Variants in STAMBPL1 observed in about 807,000 individuals in gnomAD.
STAMBPL1 encodes the protein STAM binding protein like 1, also known as AMSH-like protease.
In STAMBPL1, 44 loss-of-function variants were observed where a neutral mutation model predicts 52.9. That is an observed-to-expected ratio of 0.83 (90% CI 0.65 to 1.07). The LOEUF is 1.07. Among genes scored for constraint, STAMBPL1 ranks in the 50% least tolerant of loss-of-function variants. The pLI is 0.00. For synonymous variants in STAMBPL1, 164 were observed against 177.3 expected, an observed-to-expected ratio of 0.92 and a Z score of 0.60; for missense variants, 511 against 520.8, an observed-to-expected ratio of 0.98 and a Z score of 0.18.
At chr10:88,905,212 T>C (rs1290040313) in intron 2 of STAMBPL1, among the ~76,000 whole-genome samples, 2 of 152,184 alleles carry the variant, frequency 1.3e-5, no homozygotes, top group Non-Finnish European at 2.9e-5. Context: ...CCAATAAAAC[T>C]GTATGTTTAC....
chr10:88,914,398 A>G lies in STAMBPL1; in HGVS notation c.779-136A>G, dbSNP rs1589375957. On this transcript the variant is annotated intron_variant, in intron 6 of 10. Coordinates refer to ENST00000371926, the MANE Select transcript of STAMBPL1 (RefSeq NM_020799.4). ...TGTTTACTTCTAAGAGTTTTAAAAT[A>G]AAATATGGAAAGTGGAACACCTGAT... 15 of 531,488 alleles carry G rather than the reference A, an allele frequency of 2.8e-5. No individual in the cohort carries two copies. The East Asian group carries it at 5.6e-4, about 20-fold the overall frequency. 32.9% of individuals were successfully genotyped at this position (531,488 alleles called of 1,614,324 possible).
rs78289006 is a variant in STAMBPL1, at chr10:88,911,547, T to C, written c.420+536T>C. ...AAAGAGTGAACATTATGATAATGTC[T>C]GAGAGGCAGAAAGGCATTGGAAGAA... is the stretch of plus-strand genomic sequence containing the variant. On this transcript the variant is annotated intron_variant, in intron 5 of 10. Transcript: ENST00000371926. 2.6e-3 allele frequency among the ~76,000 whole-genome samples: 402 copies of C among 152,334 alleles called. 3 individuals are homozygous for C. Among genetic ancestry groups the C allele is most frequent in the African/African-American group, 9.5e-3 (395 of 41,580 alleles).
At chr10:88,919,934 C>T (rs1207092419) in intron 8 of STAMBPL1, among the ~76,000 whole-genome samples, 1 of 151,970 alleles carries the variant, frequency 6.6e-6, no homozygotes, top group Non-Finnish European at 1.5e-5. Flanking sequence ...CTCCCTGGCT[C>T]AAGCGCTCCT....
In STAMBPL1 at chr10:88,922,405, A is replaced by C; in HGVS notation, c.1223A>C (p.His408Pro). 1 of 1,613,522 alleles carries C rather than the reference A, an allele frequency of 6.2e-7. No homozygotes were observed. The highest frequency in any genetic ancestry group is 8.5e-7 in the Non-Finnish European group (1 of 1,179,686). Reference sequence around the variant, plus strand: ...TCTGCTTGTAAAAAAAAGGGCTTTCATCCACACACCAAGGAGCCCAGGCTG... The same window carrying C: ...TCTGCTTGTAAAAAAAAGGGCTTTCCTCCACACACCAAGGAGCCCAGGCTG... ...EVSACKKKGF[H>P]PHTKEPRLFS... Residue 408 changes from histidine (H) to proline (P), a missense_variant, in exon 10 of 11, where the codon CAT becomes CCT. His to Pro is a moderately conservative substitution (Grantham distance 77). Coordinates refer to ENST00000371926, the MANE Select transcript of STAMBPL1 (RefSeq NM_020799.4).
intron 1 of STAMBPL1, among the ~76,000 whole-genome samples, chr10:88,895,894 C>T (rs906846486): frequency 6.6e-6 from 1 of 152,144 alleles, no homozygotes; most frequent in African/African-American, 2.4e-5. Context: ...CTCACAGTAG[C>T]CTAGATCTAC....
chr10:88,890,866 A>G (rs565189950), intron 1 of STAMBPL1, among the ~76,000 whole-genome samples: 1 of 152,242 alleles, frequency 6.6e-6, no homozygotes, highest in Non-Finnish European at 1.5e-5. Flanking sequence ...GGGTTTCCTC[A>G]TTCCAGTGTT....
rs1488474756 is a variant in STAMBPL1, at chr10:88,913,423, C to T, written c.743C>T (p.Ala248Val). Residue 248 changes from alanine to valine, a missense_variant, in exon 6 of 11, where the codon GCC becomes GTC. By Grantham distance (64) the Ala-to-Val change is moderately conservative. Transcript: ENST00000371926. Reference protein sequence around the residue: ...YASHSPPVNRALTPAATLSAV... With the variant: ...YASHSPPVNRVLTPAATLSAV... ...AGCCACTCTCCTCCTGTAAACAGGG[C>T]CTTAACGCCAGCTGCTACTCTAAGT... 3 of 1,613,176 alleles carry T rather than the reference C, an allele frequency of 1.9e-6. No individual in the cohort carries two copies. The highest frequency in any genetic ancestry group is 2.5e-6 in the Non-Finnish European group (3 of 1,179,556).
In STAMBPL1 at chr10:88,910,947, A is replaced by T; in HGVS notation, c.356A>T (p.Asp119Val). 1 of 1,598,048 alleles carries T rather than the reference A, an allele frequency of 6.3e-7. No individual in the cohort carries two copies. Among genetic ancestry groups the T allele is most frequent in the East Asian group, 2.3e-5 (1 of 44,400 alleles). Reference sequence around the variant, plus strand: ...AAGGAGATTGCATTCCCAAGGACAGATGAATTGAAAAACGACCTTTTAAAG... The same window carrying T: ...AAGGAGATTGCATTCCCAAGGACAGTTGAATTGAAAAACGACCTTTTAAAG... ...KLKEIAFPRT[D>V]ELKNDLLKKY... Residue 119 changes from aspartate to valine, a missense_variant, in exon 5 of 11, where the codon GAT becomes GTT. Asp to Val is a radical substitution (Grantham distance 152). Around this residue, in one of 3 missense-constraint regions of STAMBPL1, gnomAD observed 358 missense variants for 343.5 expected, o/e 1.04. Transcript: ENST00000371926.
chr10:88,905,647 A>G lies in STAMBPL1; in HGVS notation c.235A>G (p.Asn79Asp), dbSNP rs1015615392. ...GNLENAFVLYNKFITLFVEKL... is the reference protein window; with the variant it reads ...GNLENAFVLYDKFITLFVEKL... ...TTTGGAAAATGCCTTTGTTCTTTAT[A>G]ATAAATTTATAACGTAAGTGTTTTA... Residue 79 changes from asparagine (N) to aspartate (D), a missense_variant, in exon 3 of 11, where the codon AAT (asparagine) becomes GAT (aspartate). This residue lies in a region of STAMBPL1 where 358 missense variants were observed against 343.5 expected (regional missense o/e 1.04). Coordinates refer to ENST00000371926, the MANE Select transcript of STAMBPL1 (RefSeq NM_020799.4). 6.2e-7 allele frequency: 1 copy of G among 1,613,308 alleles called. No individual in the cohort carries two copies. The highest frequency in any genetic ancestry group is 8.5e-7 in the Non-Finnish European group (1 of 1,179,562).
At chr10:88,883,762 T>C (rs180708895) in intron 1 of STAMBPL1, among the ~76,000 whole-genome samples, 191 of 152,356 alleles carry the variant, frequency 1.3e-3, no homozygotes, top group African/African-American at 4.4e-3. Context: ...GCTTAGTAAC[T>C]TGTGTTTATT....
intron 4 of STAMBPL1, among the ~76,000 whole-genome samples, chr10:88,910,151 T>G (rs1429022883): frequency 2.6e-5 from 4 of 152,136 alleles, no homozygotes; most frequent in African/African-American, 9.7e-5. Context: ...TATGAATAAA[T>G]ACATAAATGA....
At chr10:88,906,824 C>A (rs1845086378) in intron 3 of STAMBPL1, among the ~76,000 whole-genome samples, 1 of 152,206 alleles carries the variant, frequency 6.6e-6, no homozygotes, top group Non-Finnish European at 1.5e-5. Flanking sequence ...TGATCTCCAA[C>A]TCCTGGATGC....
At chr10:88,890,740 G>C (rs554515276) in intron 1 of STAMBPL1, among the ~76,000 whole-genome samples, 1 of 152,330 alleles carries the variant, frequency 6.6e-6, no homozygotes, top group African/African-American at 2.4e-5. Flanking sequence ...GCTTATTTAT[G>C]CTTCTGTATC....
chr10:88,904,824 A>T (rs1845031869), intron 2 of STAMBPL1, among the ~76,000 whole-genome samples: 2 of 152,062 alleles, frequency 1.3e-5, no homozygotes, highest in Admixed American at 6.5e-5. Context: ...TTACTATTAT[A>T]TGGAGGTCTG....
chr10:88,917,462 C>G (rs924413642), intron 8 of STAMBPL1, among the ~76,000 whole-genome samples: 55 of 152,028 alleles, frequency 3.6e-4, no homozygotes, highest in Non-Finnish European at 1.2e-4. Context: ...AATCTTGGCT[C>G]TGGTAAGAAT....
chr10:88,919,523 G>C (rs1014015703), intron 8 of STAMBPL1, among the ~76,000 whole-genome samples: 2 of 152,138 alleles, frequency 1.3e-5, no homozygotes, highest in African/African-American at 4.8e-5. Flanking sequence ...AGAGTGATTT[G>C]TCTGTTTAAT....
chr10:88,913,287 T>C lies in STAMBPL1; in HGVS notation c.607T>C (p.Ser203Pro). The C allele has an allele frequency of 6.2e-7, 1 of 1,613,916 alleles. No individual in the cohort carries two copies. Residue 203 changes from serine to proline, a missense_variant, in exon 6 of 11, where the codon TCA (serine) becomes CCA (proline). Physicochemically the swap from Ser to Pro is moderately conservative, Grantham distance 74. Coordinates refer to ENST00000371926, the MANE Select transcript of STAMBPL1 (RefSeq NM_020799.4). Reference protein sequence around the residue: ...QMRSQQTSGLSEQIDGSALSC... With the variant: ...QMRSQQTSGLPEQIDGSALSC... ...GCGAAGTCAGCAAACCTCAGGGCTG[T>C]CAGAGCAGATTGATGGGAGCGCTTT...
At chr10:88,893,400 A>G (rs2133139132) in intron 1 of STAMBPL1, among the ~76,000 whole-genome samples, 2 of 152,314 alleles carry the variant, frequency 1.3e-5, no homozygotes, top group South Asian at 4.1e-4. Flanking sequence ...TCTTAACTAC[A>G]TATACCATGT....
chr10:88,898,742 C>T (rs1402073960), intron 1 of STAMBPL1, among the ~76,000 whole-genome samples: 1 of 152,252 alleles, frequency 6.6e-6, no homozygotes, highest in Middle Eastern at 3.4e-3. Context: ...TTCATTGTTT[C>T]TGCTCACACT....
Sources: allele counts gnomAD v4.1 joint callset (sites outside exome capture counted in the v4.1 genomes callset), GRCh38; gene constraint gnomAD v4.1.1; regional missense constraint gnomAD v4.1.1; transcripts MANE v1.5; gene names NCBI Gene and HGNC (gene_info 2026-07-23, HGNC 2026-07-21).